Variants in KCNN2 observed in about 807,000 individuals in gnomAD.
KCNN2 encodes small conductance calcium-activated potassium channel protein 2.
A neutral mutation model predicts 55.5 loss-of-function variants in KCNN2; 24 were observed. That is an observed-to-expected ratio of 0.43 (90% confidence interval 0.31 to 0.61). The LOEUF (loss-of-function observed/expected upper bound fraction) is 0.61. Ranked by LOEUF, KCNN2 falls within the 20% of genes least tolerant of loss-of-function variation. The pLI is 0.08. For synonymous variants in KCNN2, 431 were observed against 336.1 expected, an observed-to-expected ratio of 1.28 and a Z score of -3.09; for missense variants, 754 against 853.6, an observed-to-expected ratio of 0.88 and a Z score of 1.45.
intron 2 of KCNN2, among the ~76,000 whole-genome samples, chr5:114,275,236 C>T (rs1362421967): frequency 1.3e-5 from 2 of 152,042 alleles, no homozygotes; most frequent in African/African-American, 4.8e-5. Context: ...TCCAGTTTGC[C>T]CGTATTTTAT....
intron 1 of KCNN2, among the ~76,000 whole-genome samples, chr5:114,164,945 T>A (rs1453962554): frequency 6.6e-6 from 1 of 152,180 alleles, no homozygotes; most frequent in East Asian, 1.9e-4. Flanking sequence ...AACTTAACGT[T>A]CCTAATGATC....
At chr5:114,155,587 G>T (rs901491081) in intron 1 of KCNN2, among the ~76,000 whole-genome samples, 1 of 152,240 alleles carries the variant, frequency 6.6e-6, no homozygotes, top group South Asian at 2.1e-4. Flanking sequence ...ATTCTGACTG[G>T]TGTGAGACAG....
At chr5:114,469,603 T>C (rs958132886) in intron 4 of KCNN2, among the ~76,000 whole-genome samples, 1 of 152,162 alleles carries the variant, frequency 6.6e-6, no homozygotes, top group African/African-American at 2.4e-5. Flanking sequence ...TCGATTGTGG[T>C]GGTGACAAGC....
chr5:114,296,307 G>T (rs1222559441), intron 2 of KCNN2, among the ~76,000 whole-genome samples: 3 of 152,142 alleles, frequency 2.0e-5, no homozygotes, highest in African/African-American at 7.2e-5. Flanking sequence ...GGCCCAAACT[G>T]GTATCAAACA....
intron 1 of KCNN2, among the ~76,000 whole-genome samples, chr5:114,106,447 A>T (rs1751484354): frequency 6.6e-6 from 1 of 152,022 alleles, no homozygotes; most frequent in African/African-American, 2.4e-5. Flanking sequence ...TGGTTATATT[A>T]ATTCCAAAGT....
chr5:114,379,279 G>A (rs1580768053), intron 2 of KCNN2, among the ~76,000 whole-genome samples: 1 of 151,800 alleles, frequency 6.6e-6, no homozygotes, highest in East Asian at 1.9e-4. Flanking sequence ...AGGAAACTAT[G>A]GCCACTCCCT....
chr5:114,273,943 T>C lies in KCNN2; in HGVS notation c.-185+52378T>C, dbSNP rs565258118. ...TTGCCCATGCCTATGTCCTGAATGG[T>C]ATTGCCCAGGTTTTCTTCCAGGATT... is the stretch of plus-strand genomic sequence containing the variant. On this transcript the variant is annotated intron_variant, in intron 2 of 10. Transcript: ENST00000512097. Among the ~76,000 whole-genome samples the C allele has an allele frequency of 4.3e-4, 65 of 152,366 alleles. 1 individual carries two copies. Among genetic ancestry groups the C allele is most frequent in the Middle Eastern group, 6.8e-3 (2 of 294 alleles).
intron 1 of KCNN2, among the ~76,000 whole-genome samples, chr5:114,094,207 G>A (rs1479051375): frequency 1.3e-5 from 2 of 151,348 alleles, no homozygotes; most frequent in Middle Eastern, 3.2e-3. Context: ...ATGGATATCT[G>A]TGTAGCTGTT....
At chr5:114,268,980 T>C (rs1461164486) in intron 2 of KCNN2, among the ~76,000 whole-genome samples, 5 of 151,662 alleles carry the variant, frequency 3.3e-5, no homozygotes, top group Non-Finnish European at 1.5e-5. Flanking sequence ...GAATGGAAGG[T>C]GCACGGGTCC....
intron 3 of KCNN2, among the ~76,000 whole-genome samples, chr5:114,457,071 A>G (rs1046732369): frequency 1.4e-4 from 21 of 152,318 alleles, no homozygotes; most frequent in East Asian, 3.9e-4. Flanking sequence ...AAGAAGTTCT[A>G]TGGGTAAAAT....
intron 2 of KCNN2, among the ~76,000 whole-genome samples, chr5:114,366,398 A>G (rs939100950): frequency 4.6e-5 from 7 of 152,334 alleles, no homozygotes; most frequent in Non-Finnish European, 1.0e-4. Context: ...TGCTTGGGTC[A>G]TGTCATTTAA....
chr5:114,237,198 C>T (rs1754515812), intron 2 of KCNN2, among the ~76,000 whole-genome samples: 1 of 151,674 alleles, frequency 6.6e-6, no homozygotes, highest in South Asian at 2.1e-4. Context: ...TGTTGCAACA[C>T]TCTCTCTCAA....
intron 3 of KCNN2, among the ~76,000 whole-genome samples, chr5:114,447,636 T>G (rs988691838): frequency 6.6e-6 from 1 of 152,234 alleles, no homozygotes; most frequent in African/African-American, 2.4e-5. Context: ...CAAGCTTCCC[T>G]TTGCAGTATT....
intron 2 of KCNN2, among the ~76,000 whole-genome samples, chr5:114,337,380 T>C (rs1021126876): frequency 6.6e-6 from 1 of 152,154 alleles, no homozygotes; most frequent in Non-Finnish European, 1.5e-5. Context: ...GATACCAACA[T>C]AGAAGAAAGA....
chr5:114,114,239 AT>A (rs1022806272), intron 1 of KCNN2, among the ~76,000 whole-genome samples: 4 of 151,868 alleles, frequency 2.6e-5, no homozygotes, highest in African/African-American at 7.3e-5. Flanking sequence ...TCATCAAAAC[AT>A]TTTTTTAGAG....
In KCNN2 at chr5:114,431,516, C is replaced by G. The variant is rs897861524; in HGVS notation, c.1637+26660C>G. On this transcript the variant is annotated intron_variant, in intron 3 of 7. Coordinates refer to ENST00000673685, the MANE Select transcript of KCNN2 (RefSeq NM_021614.4). ...CATGAAATTTATCAATTTTATTAAT[C>G]TTTTCAAAGAACTAGCTTTTGATTT... 1.1e-4 allele frequency among the ~76,000 whole-genome samples: 17 copies of G among 152,020 alleles called. No individual in the cohort carries two copies. The South Asian group carries it at 3.5e-3, about 32-fold the overall frequency.
intron 1 of KCNN2, among the ~76,000 whole-genome samples, chr5:114,195,408 A>G (rs558911543): frequency 3.3e-5 from 5 of 151,988 alleles, no homozygotes; most frequent in African/African-American, 9.7e-5. Context: ...AACATTCTTT[A>G]TAAGATGTGT....
intron 1 of KCNN2, among the ~76,000 whole-genome samples, chr5:114,208,095 AAAACACAAGAATG>A (rs1287007938): frequency 6.6e-6 from 1 of 152,192 alleles, no homozygotes; most frequent in African/African-American, 2.4e-5. Context: ...CTCAGGAATT[AAAACACAAGAATG>A]AATTCACAAT....
At chr5:114,345,241 GA>G (rs977899993) in intron 2 of KCNN2, among the ~76,000 whole-genome samples, 3 of 151,068 alleles carry the variant, frequency 2.0e-5, no homozygotes, top group Non-Finnish European at 4.4e-5. Context: ...ACTCTTTGTG[GA>G]AAAAAAAATA....
Sources: allele counts gnomAD v4.1 joint callset (sites outside exome capture counted in the v4.1 genomes callset), GRCh38; gene constraint gnomAD v4.1.1; transcripts MANE v1.5; gene names NCBI Gene and HGNC (gene_info 2026-07-23, HGNC 2026-07-21).